The following COL9A1 variants were observed in gnomAD, a reference collection of about 807,000 sequenced individuals.
COL9A1 encodes the protein collagen type IX alpha 1 chain.
A neutral mutation model predicts 142.6 loss-of-function variants in COL9A1; 104 were observed. The ratio of observed to expected loss-of-function variants is 0.73; its 90% confidence interval spans 0.62 to 0.86. The LOEUF is 0.86. Ranked by LOEUF, COL9A1 falls within the 40% of genes least tolerant of loss-of-function variation. The pLI is 0.00. For synonymous variants in COL9A1, 466 were observed against 396.0 expected (o/e 1.18, Z -2.10); for missense variants, 1,210 against 1,176.6 (o/e 1.03, Z -0.42).
At chr6:70,237,456 TG>T (rs1186242636) in intron 33 of COL9A1, among the ~76,000 whole-genome samples, 1 of 152,240 alleles carries the variant, frequency 6.6e-6, no homozygotes, top group Non-Finnish European at 1.5e-5. Context: ...CCCCTGATTG[TG>T]GGACAGTAGA....
chr6:70,240,631 CTTCTAA>C, intron 32 of COL9A1, 52 bp downstream of exon 32: 2 of 1,208,980 alleles, frequency 1.7e-6, no homozygotes, highest in South Asian at 2.4e-5. Context: ...TATATATATA[CTTCTAA>C]CAGTTCAAAA....
chr6:70,302,820 C>T (rs1220285232), intron 1 of COL9A1, 91 bp downstream of exon 1: 3 of 1,396,648 alleles, frequency 2.1e-6, no homozygotes, highest in Non-Finnish European at 3.1e-6. Context: ...CACCTACTCT[C>T]ATCTTACCAC....
chr6:70,260,090 G>T (rs1197481201), intron 20 of COL9A1, among the ~76,000 whole-genome samples: 1 of 152,092 alleles, frequency 6.6e-6, no homozygotes, highest in Non-Finnish European at 1.5e-5. Context: ...TCATGACAAT[G>T]AGTTAAAATG....
chr6:70,284,034 T>C (rs193151305), intron 5 of COL9A1, among the ~76,000 whole-genome samples: 50 of 152,302 alleles, frequency 3.3e-4, no homozygotes, highest in African/African-American at 1.2e-3. Context: ...TTATTAGGTA[T>C]AGATGTCTTT....
At chr6:70,284,730 C>T (rs2127600525) in intron 5 of COL9A1, among the ~76,000 whole-genome samples, 1 of 152,296 alleles carries the variant, frequency 6.6e-6, no homozygotes, top group East Asian at 1.9e-4. Context: ...AAGGAGCTTT[C>T]TGCTAGGCAT....
At chr6:70,221,108 TAAAC>T (rs952269735) in intron 37 of COL9A1, among the ~76,000 whole-genome samples, 43 of 151,084 alleles carry the variant, frequency 2.8e-4, no homozygotes, top group African/African-American at 1.0e-3. Flanking sequence ...GTTTTTTTTT[TAAAC>T]AAATGAATAG....
chr6:70,254,434 A>G (rs751356459), intron 25 of COL9A1, 42 bp downstream of exon 25: 3 of 1,581,812 alleles, frequency 1.9e-6, no homozygotes, highest in Admixed American at 1.7e-5. Context: ...TCTTTAAAAC[A>G]TGTATATAAA....
rs563731520 is a variant in COL9A1, at chr6:70,274,560, G to A, written c.1029+159C>T. Among the ~76,000 whole-genome samples the A allele has an allele frequency of 4.6e-5, 7 of 152,286 alleles. No individual in the cohort carries two copies. The East Asian group carries it at 1.2e-3, about 25-fold the overall frequency. On this transcript the variant is annotated intron_variant, in intron 11 of 37. Coordinates refer to ENST00000357250, the MANE Select transcript of COL9A1 (RefSeq NM_001851.6). ...CATGATCTTGTTCCTTTTTATGGCTGCATAGTATTCCACATCATGGTGTTT... is the reference window on the plus strand; with the variant it reads ...CATGATCTTGTTCCTTTTTATGGCTACATAGTATTCCACATCATGGTGTTT...
rs546606054 is a variant in COL9A1 at position 70,226,108 on chromosome 6, G to T, written c.2504-99C>A. ...CAAATCTAAAATTCAGAAACCAAAA[G>T]GTCATGAAATTGCCATAAACTAGAT... is the stretch of plus-strand genomic sequence containing the variant. On this transcript the variant is annotated intron_variant, in intron 36 of 37. Transcript: ENST00000357250. The T allele has an allele frequency of 4.9e-5, 53 of 1,083,738 alleles. No individual in the cohort carries two copies. In the South Asian group the frequency reaches 5.5e-4, roughly 11 times the overall value. 67.1% of individuals were successfully genotyped at this position (1,083,738 alleles called of 1,614,324 possible). A position where few individuals can be genotyped will look rare whatever the true frequency, so the allele number is the denominator to read the frequency against.
intron 35 of COL9A1, among the ~76,000 whole-genome samples, chr6:70,234,299 C>CAAAAAAAAAAAAAAAAAAAAAAAAAA (rs1376237848): frequency 1.5e-5 from 2 of 132,020 alleles, no homozygotes. Context: ...AAAAACAAAA[C>CAAAAAAAAAAAAAAAAAAAAAAAAAA]AAAACAAAAA....
At chr6:70,298,013 G>A (rs1383394803) in intron 4 of COL9A1, among the ~76,000 whole-genome samples, 2 of 152,126 alleles carry the variant, frequency 1.3e-5, no homozygotes, top group Non-Finnish European at 2.9e-5. Flanking sequence ...CAGAGCCTAT[G>A]TTCTGTAGCA....
At chr6:70,298,885 G>C (rs771429273) in intron 4 of COL9A1, among the ~76,000 whole-genome samples, 107 of 152,192 alleles carry the variant, frequency 7.0e-4, no homozygotes, top group Admixed American at 1.2e-3. Flanking sequence ...TGGTTTTCCA[G>C]AGTCAGTATG....
chr6:70,302,064 C>T lies in COL9A1; in HGVS notation c.25G>A (p.Val9Ile). MKTCWKIPVFFFVCSFLEP... is the reference protein window; with the variant it reads MKTCWKIPIFFFVCSFLEP... ...AGGAAACTGCACACAAAGAAGAAAA[C>T]TGGAATTTTCCTGAAGAAGAGAGAA... Residue 9 changes from valine (V) to isoleucine (I), a missense_variant, in exon 2 of 38, where the codon GTT becomes ATT. Physicochemically the swap from Val to Ile is conservative, Grantham distance 29. Transcript: ENST00000357250. 3 of 1,610,642 alleles carry T rather than the reference C, an allele frequency of 1.9e-6. No individual in the cohort carries two copies. The South Asian group carries it at 3.3e-5, about 18-fold the overall frequency.
At chr6:70,243,185 G>A (rs1770374561) in intron 28 of COL9A1, among the ~76,000 whole-genome samples, 1 of 152,156 alleles carries the variant, frequency 6.6e-6, no homozygotes, top group African/African-American at 2.4e-5. Context: ...TAATAGATAT[G>A]TTTGCCTTTA....
chr6:70,283,196 C>T, intron 6 of COL9A1: 1 of 1,471,996 alleles, frequency 6.8e-7, no homozygotes, highest in Non-Finnish European at 8.9e-7. Flanking sequence ...GCGTCCAGGC[C>T]CGGGAGGCGC....
Position 70,255,332 on chromosome 6 carries a change from C to A in COL9A1, c.1557+5G>T. ...GAGGCTTGGAGTGACTGAATTTAAA[C>A]TCACTCTATCTCCTTTGGGACCTGC... On this transcript the variant is annotated splice_donor_5th_base_variant and intron_variant, in intron 22 of 37. Coordinates refer to ENST00000357250, the MANE Select transcript of COL9A1 (RefSeq NM_001851.6). 1 of 1,613,988 alleles carries A rather than the reference C, an allele frequency of 6.2e-7. No individual in the cohort carries two copies. Among genetic ancestry groups the A allele is most frequent in the Non-Finnish European group, 8.5e-7 (1 of 1,179,824 alleles).
At chr6:70,244,822 A>G (rs1770490974) in intron 28 of COL9A1, among the ~76,000 whole-genome samples, 1 of 152,130 alleles carries the variant, frequency 6.6e-6, no homozygotes, top group Non-Finnish European at 1.5e-5. Context: ...TGTCTTTTCT[A>G]AGTTCTTATT....
At position 70,272,089 on chromosome 6, in the gene COL9A1, C is replaced by A. The variant is rs772239348; in HGVS notation, c.1066-1G>T. 6.2e-6 allele frequency: 10 copies of A among 1,611,006 alleles called. No homozygotes were observed. Among genetic ancestry groups the A allele is most frequent in the Non-Finnish European group, 8.5e-6 (10 of 1,177,846 alleles). On this transcript the variant is annotated splice_acceptor_variant, in intron 12 of 37. Coordinates refer to ENST00000357250, the MANE Select transcript of COL9A1 (RefSeq NM_001851.6). LOFTEE classifies it high-confidence loss of function. ...CAGGGGGTCCAGGAATACCACGGCC[C>A]TAAAAGAGTACAATAAAAATGGTTA...
At position 70,244,276 on chromosome 6, in the gene COL9A1, C is replaced by T. The variant is rs547362474; in HGVS notation, c.1873-1561G>A. Among the ~76,000 whole-genome samples, 246 of 152,270 alleles carry T rather than the reference C, an allele frequency of 1.6e-3. 1 individual carries two copies. The highest frequency in any genetic ancestry group is 5.8e-3 in the African/African-American group (239 of 41,554). ...TTGGGATGATGCATTGGTCCTTAAC[C>T]TCATGAGCAGTTTGGAAGCCAGAGG... is the stretch of plus-strand genomic sequence containing the variant. On this transcript the variant is annotated intron_variant, in intron 28 of 37. Coordinates refer to ENST00000357250, the MANE Select transcript of COL9A1 (RefSeq NM_001851.6).
Sources: allele counts gnomAD v4.1 joint callset (sites outside exome capture counted in the v4.1 genomes callset), GRCh38; gene constraint gnomAD v4.1.1; transcripts MANE v1.5; gene names NCBI Gene and HGNC (gene_info 2026-07-23, HGNC 2026-07-21).